The following CYP2C19 variants were observed in gnomAD, a reference collection of about 807,000 sequenced individuals.
CYP2C19 encodes cytochrome P450 2C19.
A neutral mutation model predicts 40.9 loss-of-function variants in CYP2C19; 59 were observed. The ratio of observed to expected loss-of-function variants is 1.44; its 90% CI spans 1.17 to 1.79. CYP2C19 has a LOEUF of 1.79. Ranked by LOEUF, CYP2C19 falls within the 40% of genes most tolerant of loss-of-function variation. The pLI, the probability that CYP2C19 is intolerant of heterozygous loss-of-function variation, is 0.00. For synonymous variants in CYP2C19, 253 were observed against 208.7 expected, an observed-to-expected ratio of 1.21 and a Z score of -1.83; for missense variants, 754 against 596.9, an observed-to-expected ratio of 1.26 and a Z score of -2.74.
chr10:94,807,246 T>A (rs1464518607), intron 5 of CYP2C19, among the ~76,000 whole-genome samples: 1 of 152,176 alleles, frequency 6.6e-6, no homozygotes, highest in African/African-American at 2.4e-5. Flanking sequence ...GTAATTAGTT[T>A]TCCATGGTGT....
chr10:94,773,319 G>T (rs1287859068), intron 1 of CYP2C19, among the ~76,000 whole-genome samples: 1 of 152,208 alleles, frequency 6.6e-6, no homozygotes, highest in Non-Finnish European at 1.5e-5. Flanking sequence ...AGTTCTTAAA[G>T]ATGGTGTGTC....
rs1564687626 is a variant in CYP2C19 at position 94,853,128 on chromosome 10, C to T, written c.*214C>T. On this transcript the variant is annotated 3_prime_UTR_variant, in exon 9 of 9. Coordinates refer to ENST00000371321, the MANE Select transcript of CYP2C19 (RefSeq NM_000769.4). ...TCTATAATAGTTACATTGAGTGCCA[C>T]ATAATGCTGATACTTGTCTAATGTT... 6 of 567,084 alleles carry T rather than the reference C, an allele frequency of 1.1e-5. No homozygotes were observed. The highest frequency in any genetic ancestry group is 1.9e-5 in the Non-Finnish European group (6 of 323,704). The allele number at this position is 567,084 out of a possible 1,614,324, so 35.1% of individuals were successfully genotyped here.
chr10:94,826,325 T>G (rs2134273402), intron 6 of CYP2C19, among the ~76,000 whole-genome samples: 1 of 152,268 alleles, frequency 6.6e-6, no homozygotes, highest in East Asian at 1.9e-4. Flanking sequence ...GTATCCTCTT[T>G]TATTTCCTTG....
chr10:94,774,911 C>A (rs972769785), intron 1 of CYP2C19, 147 bp from the exon 2 acceptor site: 2 of 834,000 alleles, frequency 2.4e-6, no homozygotes, highest in Non-Finnish European at 3.7e-6. Context: ...TAATCATCAT[C>A]ATGTTTATAT....
intron 1 of CYP2C19, among the ~76,000 whole-genome samples, chr10:94,763,623 T>C (rs1291850627): frequency 1.3e-5 from 2 of 151,992 alleles, no homozygotes; most frequent in Non-Finnish European, 2.9e-5. Flanking sequence ...AGCATGATGG[T>C]ATGATCAGAT....
chr10:94,789,604 C>A (rs893497267), intron 5 of CYP2C19, among the ~76,000 whole-genome samples: 1 of 152,040 alleles, frequency 6.6e-6, no homozygotes, highest in Non-Finnish European at 1.5e-5. Flanking sequence ...AAAAGGGAAT[C>A]CTTCCCCTAT....
intron 8 of CYP2C19, among the ~76,000 whole-genome samples, chr10:94,852,098 G>T (rs1849662459): frequency 6.6e-6 from 1 of 152,166 alleles, no homozygotes; most frequent in African/African-American, 2.4e-5. Context: ...GAGTGGCTAT[G>T]CCTAGAGTTG....
At chr10:94,762,975 T>C (rs1242388534) in intron 1 of CYP2C19, 102 bp downstream of exon 1, 2 of 1,246,618 alleles carry the variant, frequency 1.6e-6, no homozygotes, top group Non-Finnish European at 2.3e-6. Flanking sequence ...GAGATCATTG[T>C]AAAGTAAAAT....
chr10:94,784,593 A>G (rs1257226168), intron 5 of CYP2C19, among the ~76,000 whole-genome samples: 4 of 151,992 alleles, frequency 2.6e-5, no homozygotes, highest in Non-Finnish European at 5.9e-5. Flanking sequence ...TAGTGAATGT[A>G]AAGTGGTATC....
At chr10:94,818,831 T>C (rs1162450076) in intron 5 of CYP2C19, among the ~76,000 whole-genome samples, 1 of 151,792 alleles carries the variant, frequency 6.6e-6, no homozygotes, top group Non-Finnish European at 1.5e-5. Context: ...TCATGTCGTC[T>C]GCAAACAGGG....
At position 94,820,534 on chromosome 10, in the gene CYP2C19, C is replaced by G. The variant is rs970941256; in HGVS notation, c.858C>G (p.Asn286Lys). The G allele has an allele frequency of 6.2e-7, 1 of 1,614,154 alleles. No individual in the cohort carries two copies. The highest frequency in any genetic ancestry group is 8.5e-7 in the Non-Finnish European group (1 of 1,180,016). ...QNQQSEFTIE[N>K]LVITAADLLG... ...AACAGTCTGAATTCACTATTGAAAA[C>G]TTGGTAATCACTGCAGCTGACTTAC... The change falls in exon 6 of 9, where the codon AAC becomes AAG. Residue 286 changes from asparagine to lysine, a missense_variant. Coordinates refer to ENST00000371321, the MANE Select transcript of CYP2C19 (RefSeq NM_000769.4).
At chr10:94,831,667 C>A (rs537812460) in intron 6 of CYP2C19, among the ~76,000 whole-genome samples, 44 of 152,210 alleles carry the variant, frequency 2.9e-4, no homozygotes, top group Non-Finnish European at 5.3e-4. Context: ...TGTTGACCAC[C>A]TTTTTGTATG....
At chr10:94,841,209 A>G (rs1186036953) in intron 6 of CYP2C19, among the ~76,000 whole-genome samples, 1 of 152,180 alleles carries the variant, frequency 6.6e-6, no homozygotes, top group African/African-American at 2.4e-5. Context: ...ATGGAAGAGA[A>G]CCGTGGAACC....
At chr10:94,844,749 C>G (rs115999561) in intron 7 of CYP2C19, among the ~76,000 whole-genome samples, 53 of 152,254 alleles carry the variant, frequency 3.5e-4, no homozygotes, top group African/African-American at 1.3e-3. Flanking sequence ...TCTGTTTTCA[C>G]AAACACAGGA....
intron 5 of CYP2C19, among the ~76,000 whole-genome samples, chr10:94,816,641 A>T (rs1400084887): frequency 2.0e-5 from 3 of 151,196 alleles, no homozygotes; most frequent in East Asian, 3.9e-4. Flanking sequence ...GGTTAGTTAC[A>T]TATGTATACA....
intron 6 of CYP2C19, among the ~76,000 whole-genome samples, chr10:94,838,181 A>G (rs1849434705): frequency 6.6e-6 from 1 of 152,126 alleles, no homozygotes. Flanking sequence ...GTAAGTTAGC[A>G]AATGTCTGTG....
intron 6 of CYP2C19, among the ~76,000 whole-genome samples, chr10:94,834,727 C>T (rs1849376334): frequency 6.6e-6 from 1 of 152,146 alleles, no homozygotes; most frequent in Admixed American, 6.5e-5. Flanking sequence ...TATTTCTTTA[C>T]CTCCTGTTTT....
chr10:94,817,111 G>C (rs1353237623), intron 5 of CYP2C19, among the ~76,000 whole-genome samples: 1 of 146,000 alleles, frequency 6.8e-6, no homozygotes, highest in African/African-American at 2.5e-5. Flanking sequence ...GGATGGCTGG[G>C]TCAAATGGTA....
chr10:94,778,530 G>T (rs980414608), intron 3 of CYP2C19, among the ~76,000 whole-genome samples: 7 of 152,114 alleles, frequency 4.6e-5, no homozygotes, highest in Non-Finnish European at 8.8e-5. Flanking sequence ...GCTCATCACT[G>T]GTCATTAGAG....
Sources: gnomAD v4.1 joint callset for allele counts (sites outside exome capture counted in the v4.1 genomes callset) on GRCh38, gnomAD v4.1.1 for gene constraint, MANE v1.5 for transcripts, NCBI Gene and HGNC (gene_info 2026-07-23, HGNC 2026-07-21) for gene names.